RORA: variants seen among roughly 807,000 people sequenced by gnomAD.
RORA encodes the protein RAR related orphan receptor A.
A neutral mutation model predicts 69.5 loss-of-function variants in RORA; 7 were observed. That is an observed-to-expected ratio of 0.10 (90% CI 0.06 to 0.19). RORA has a LOEUF of 0.19. RORA is among the 10% of genes least tolerant of loss of function. The pLI is 1.00. For synonymous variants in RORA, 261 were observed against 240.8 expected, an observed-to-expected ratio of 1.08 and a Z score of -0.78; for missense variants, 457 against 663.0, an observed-to-expected ratio of 0.69 and a Z score of 3.41.
At chr15:60,522,312 T>A (rs2066196818) in intron 3 of RORA, among the ~76,000 whole-genome samples, 1 of 152,062 alleles carries the variant, frequency 6.6e-6, no homozygotes, top group Admixed American at 6.6e-5. Flanking sequence ...AAAGAGCGGG[T>A]CGGGTGGCTT....
intron 2 of RORA, among the ~76,000 whole-genome samples, chr15:60,620,026 T>C (rs1263982377): frequency 6.6e-6 from 1 of 152,226 alleles, no homozygotes; most frequent in African/African-American, 2.4e-5. Context: ...CTTCAACTCC[T>C]GAAGGTCCCA....
intron 1 of RORA, among the ~76,000 whole-genome samples, chr15:61,153,139 C>T (rs900939250): frequency 6.6e-6 from 1 of 152,060 alleles, no homozygotes; most frequent in African/African-American, 2.4e-5. Flanking sequence ...AGCCCTGGAG[C>T]CTGCAGCACT....
At chr15:60,561,071 GTTTTGTTTTTGTTTTTTT>G (rs2067532054) in intron 2 of RORA, among the ~76,000 whole-genome samples, 1 of 110,498 alleles carries the variant, frequency 9.0e-6, no homozygotes, top group Non-Finnish European at 1.8e-5. Flanking sequence ...TTTTTTTTTT[GTTTTGTTTTTGTTTTTTT>G]TTTTGTTTTT....
chr15:61,166,322 G>A (rs565286932), intron 1 of RORA, among the ~76,000 whole-genome samples: 1 of 152,232 alleles, frequency 6.6e-6, no homozygotes, highest in African/African-American at 2.4e-5. Flanking sequence ...AGACACAGAT[G>A]AACATGTCTC....
intron 1 of RORA, among the ~76,000 whole-genome samples, chr15:60,766,235 G>A (rs565959626): frequency 2.0e-5 from 3 of 152,154 alleles, no homozygotes; most frequent in Admixed American, 6.5e-5. Context: ...GTGAGCCTGC[G>A]AGCCTGTGTC....
intron 1 of RORA, among the ~76,000 whole-genome samples, chr15:61,077,370 G>C (rs1400710445): frequency 2.0e-5 from 3 of 152,274 alleles, no homozygotes; most frequent in African/African-American, 7.2e-5. Context: ...AAGAATTGTG[G>C]ATTCAGTCAT....
chr15:60,780,138 G>A (rs11639085), intron 1 of RORA, among the ~76,000 whole-genome samples: 3,791 of 152,160 alleles, frequency 0.025, 79 homozygotes, highest in Non-Finnish European at 0.037. Flanking sequence ...ATAAATAGAG[G>A]GAGAGAATTT....
At chr15:61,007,276 G>C (rs752480653) in intron 1 of RORA, among the ~76,000 whole-genome samples, 3 of 152,090 alleles carry the variant, frequency 2.0e-5, no homozygotes, top group Non-Finnish European at 2.9e-5. Flanking sequence ...AAATGACCTT[G>C]CTCTAATGAA....
At chr15:60,918,195 T>C (rs1236266954) in intron 1 of RORA, among the ~76,000 whole-genome samples, 1 of 152,232 alleles carries the variant, frequency 6.6e-6, no homozygotes, top group Non-Finnish European at 1.5e-5. Context: ...CTTTGGAAAG[T>C]CCTGGTTGCT....
chr15:60,797,105 G>A (rs961277718), intron 1 of RORA, among the ~76,000 whole-genome samples: 2 of 149,856 alleles, frequency 1.3e-5, no homozygotes, highest in Non-Finnish European at 3.0e-5. Context: ...CACAGAGGCA[G>A]AAAGCAGATT....
At chr15:61,025,911 C>A (rs760519807) in intron 1 of RORA, among the ~76,000 whole-genome samples, 1 of 152,150 alleles carries the variant, frequency 6.6e-6, no homozygotes, top group Non-Finnish European at 1.5e-5. Flanking sequence ...TTTGAATTAA[C>A]CAGGCCCAGA....
In RORA at chr15:60,905,256, T is replaced by C. The variant is rs1038397441; in HGVS notation, c.167-226570A>G. ...GCAACCAATGTCTCCTTCTGAACAG[T>C]TGGGAGAAATGTAAATTCACTGTTT... On this transcript the variant is annotated intron_variant, in intron 1 of 10. Coordinates refer to ENST00000335670, the MANE Select transcript of RORA (RefSeq NM_134261.3). This position sits in a 1 kb window ranked among gnomAD's most constrained non-coding sequence, Gnocchi z 4.8. Among the ~76,000 whole-genome samples, 7 of 152,202 alleles carry C rather than the reference T, an allele frequency of 4.6e-5. No individual in the cohort carries two copies. Among genetic ancestry groups the C allele is most frequent in the Non-Finnish European group, 8.8e-5 (6 of 68,022 alleles).
intron 1 of RORA, among the ~76,000 whole-genome samples, chr15:61,121,038 C>T (rs1271489072): frequency 2.0e-5 from 3 of 151,750 alleles, no homozygotes; most frequent in Non-Finnish European, 4.4e-5. Flanking sequence ...TTGGTAGAGA[C>T]GGGGTTTCAC....
intron 1 of RORA, among the ~76,000 whole-genome samples, chr15:60,964,239 T>G (rs1893489034): frequency 6.6e-6 from 1 of 152,236 alleles, no homozygotes; most frequent in Non-Finnish European, 1.5e-5. Flanking sequence ...ATATTTTTGG[T>G]GCCTGAGGCA....
At chr15:60,732,245 A>G (rs1310456259) in intron 1 of RORA, among the ~76,000 whole-genome samples, 2 of 152,274 alleles carry the variant, frequency 1.3e-5, no homozygotes, top group Non-Finnish European at 2.9e-5. Context: ...TATAGTAACC[A>G]TCAAGGAAAA....
chr15:60,964,560 A>G (rs1817192295), intron 1 of RORA, among the ~76,000 whole-genome samples: 1 of 152,208 alleles, frequency 6.6e-6, no homozygotes, highest in Non-Finnish European at 1.5e-5. Context: ...GAGAGACAGA[A>G]TAAGATGGCT....
intron 1 of RORA, among the ~76,000 whole-genome samples, chr15:60,793,970 C>T (rs968292945): frequency 4.6e-5 from 7 of 152,186 alleles, no homozygotes; most frequent in South Asian, 2.1e-4. Context: ...CACTCTAGAA[C>T]GGGTTCTTTG....
chr15:60,641,658 G>A (rs339982), intron 2 of RORA, among the ~76,000 whole-genome samples: 1,563 of 152,162 alleles, frequency 0.01, 21 homozygotes, highest in African/African-American at 0.032. Flanking sequence ...TGATCCGCCC[G>A]CCTCAGCCTC....
intron 1 of RORA, among the ~76,000 whole-genome samples, chr15:60,712,998 A>C (rs376399640): frequency 2.6e-5 from 4 of 152,302 alleles, no homozygotes; most frequent in East Asian, 1.9e-4. Context: ...GGGAAAAAAA[A>C]ACAACAATTT....
Sources: allele counts gnomAD v4.1 joint callset (sites outside exome capture counted in the v4.1 genomes callset), GRCh38; gene constraint gnomAD v4.1.1; non-coding constraint Gnocchi (gnomAD v3.1); transcripts MANE v1.5; gene names NCBI Gene and HGNC (gene_info 2026-07-23, HGNC 2026-07-21).